CSMD1: variants seen among roughly 807,000 people sequenced by gnomAD.
CSMD1 encodes CUB and Sushi multiple domains 1.
In CSMD1, 213 loss-of-function variants were observed where a neutral mutation model predicts 417.5. The ratio of observed to expected loss-of-function variants is 0.51; its 90% CI spans 0.46 to 0.57. CSMD1 has a LOEUF of 0.57. Ranked by LOEUF, CSMD1 falls within the 20% of genes least tolerant of loss-of-function variation. The pLI, the probability that CSMD1 is intolerant of heterozygous loss-of-function variation, is 0.00. For missense variants in CSMD1, 6,923 were observed against 4,529.7 expected (o/e 1.53, Z -15.17); for synonymous variants, 2,862 against 1,736.8 (o/e 1.65, Z -16.11).
chr8:3,506,100 G>C (rs1386691189), intron 10 of CSMD1, among the ~76,000 whole-genome samples: 1 of 152,184 alleles, frequency 6.6e-6, no homozygotes, highest in Admixed American at 6.5e-5. Context: ...TCATAAGGAG[G>C]TGTCTCATCG....
In CSMD1 at chr8:4,449,551, C is replaced by A. The variant is rs541851446; in HGVS notation, c.303-29486G>T. Among the ~76,000 whole-genome samples the A allele has an allele frequency of 2.0e-5, 3 of 152,222 alleles. No homozygotes were observed. In the East Asian group the frequency reaches 5.8e-4, roughly 29 times the overall value. On this transcript the variant is annotated intron_variant, in intron 2 of 69. Coordinates refer to ENST00000635120, the MANE Select transcript of CSMD1 (RefSeq NM_033225.6). ...GTCTGTGAGTCACAGGAAGTTGGAT[C>A]CCAATGGACTCATCTAATTATTTAG...
At chr8:3,372,310 T>C (rs537542355) in intron 18 of CSMD1, among the ~76,000 whole-genome samples, 2 of 152,218 alleles carry the variant, frequency 1.3e-5, no homozygotes, top group Admixed American at 1.3e-4. Context: ...AAAGGACACC[T>C]CTGTGACTGG....
At chr8:4,698,704 C>A (rs946704567) in intron 1 of CSMD1, among the ~76,000 whole-genome samples, 12 of 150,530 alleles carry the variant, frequency 8.0e-5, no homozygotes, top group East Asian at 2.0e-4. Context: ...TACGGGGGAG[C>A]ATTTTCCTTC....
At chr8:3,520,132 T>G (rs1489161022) in intron 10 of CSMD1, among the ~76,000 whole-genome samples, 1 of 151,716 alleles carries the variant, frequency 6.6e-6, no homozygotes, top group Non-Finnish European at 1.5e-5. Flanking sequence ...AGAGAAATAA[T>G]TTATATGAGA....
At chr8:3,480,278 C>A (rs1817664451) in intron 11 of CSMD1, among the ~76,000 whole-genome samples, 1 of 152,136 alleles carries the variant, frequency 6.6e-6, no homozygotes, top group Non-Finnish European at 1.5e-5. Flanking sequence ...AGAAGAATTG[C>A]TTGAACCCAG....
intron 3 of CSMD1, among the ~76,000 whole-genome samples, chr8:4,361,682 G>C (rs781305116): frequency 6.6e-6 from 1 of 152,006 alleles, no homozygotes; most frequent in East Asian, 1.9e-4. Context: ...CAGGTGCGAC[G>C]GCTTGGCTCA....
intron 12 of CSMD1, among the ~76,000 whole-genome samples, chr8:3,455,932 G>A (rs58137222): frequency 0.11 from 16,251 of 152,190 alleles, 1,560 homozygotes; most frequent in East Asian, 0.35. Flanking sequence ...AGGCAGGCAG[G>A]CCTCCTTGAG....
chr8:4,980,525 C>T (rs1288594113), intron 1 of CSMD1, among the ~76,000 whole-genome samples: 1 of 152,158 alleles, frequency 6.6e-6, no homozygotes, highest in Non-Finnish European at 1.5e-5. Flanking sequence ...CTGAGCTCTG[C>T]CTTTTGGGTG....
chr8:4,757,814 C>G (rs1025046369), intron 1 of CSMD1, among the ~76,000 whole-genome samples: 1 of 151,866 alleles, frequency 6.6e-6, no homozygotes, highest in East Asian at 1.9e-4. Flanking sequence ...GGAAAATTAG[C>G]GAGGCACGGT....
intron 52 of CSMD1, among the ~76,000 whole-genome samples, chr8:3,016,853 G>A (rs78163725): frequency 0.048 from 7,296 of 152,090 alleles, 182 homozygotes; most frequent in East Asian, 0.07. Context: ...ATGTTTGGGG[G>A]CATCTCCAGG....
At chr8:4,489,060 G>A (rs1233595281) in intron 2 of CSMD1, among the ~76,000 whole-genome samples, 2 of 152,126 alleles carry the variant, frequency 1.3e-5, no homozygotes, top group African/African-American at 4.8e-5. Context: ...ACAGGTGCGT[G>A]CCACCACACA....
intron 4 of CSMD1, among the ~76,000 whole-genome samples, chr8:4,030,403 C>G (rs972712595): frequency 6.6e-6 from 1 of 152,200 alleles, no homozygotes; most frequent in African/African-American, 2.4e-5. Context: ...TTCGCAGGCT[C>G]AACACCACAT....
intron 7 of CSMD1, among the ~76,000 whole-genome samples, chr8:3,628,333 G>C (rs1796595782): frequency 6.6e-6 from 1 of 152,142 alleles, no homozygotes; most frequent in Non-Finnish European, 1.5e-5. Context: ...CATCCTGCCT[G>C]CCCACACCGG....
chr8:4,156,096 A>G lies in CSMD1; in HGVS notation c.416-123997T>C, dbSNP rs569091839. Among the ~76,000 whole-genome samples, 8 of 152,264 alleles carry G rather than the reference A, an allele frequency of 5.3e-5. No homozygotes were observed. The East Asian group carries it at 1.5e-3, about 29-fold the overall frequency. The stretch of plus-strand genomic sequence containing the variant: ...GAATAGGGCTGGCTGGAGTTATCAG[A>G]GCATAATAATCATCCGATCCTGACA... On this transcript the variant is annotated intron_variant, in intron 3 of 69. Transcript: ENST00000635120.
chr8:4,726,990 G>C (rs1809501810), intron 1 of CSMD1, among the ~76,000 whole-genome samples: 1 of 152,116 alleles, frequency 6.6e-6, no homozygotes, highest in Non-Finnish European at 1.5e-5. Context: ...GATGGAAAAT[G>C]AGACCCCTAT....
At chr8:4,860,753 C>T (rs1231759904) in intron 1 of CSMD1, among the ~76,000 whole-genome samples, 5 of 152,090 alleles carry the variant, frequency 3.3e-5, no homozygotes, top group African/African-American at 1.2e-4. Context: ...TATGGGCATA[C>T]GTTCCTGGTA....
chr8:4,600,858 G>A (rs1283934444), intron 2 of CSMD1, among the ~76,000 whole-genome samples: 8 of 151,974 alleles, frequency 5.3e-5, no homozygotes, highest in Admixed American at 2.0e-4. Flanking sequence ...ACTTTAAAAG[G>A]TTTGCTTATC....
In CSMD1 at chr8:4,705,344, C is replaced by T. The variant is rs146014757; in HGVS notation, c.86-67786G>A. ...TGTTCTAGAGACTCCATTCTAAGAA[C>T]ATACTTTCTGGAAACCATGATGTAA... On this transcript the variant is annotated intron_variant, in intron 1 of 69. Coordinates refer to ENST00000635120, the MANE Select transcript of CSMD1 (RefSeq NM_033225.6). 1.2e-3 allele frequency among the ~76,000 whole-genome samples: 188 copies of T among 152,194 alleles called. 1 individual carries two copies. The highest frequency in any genetic ancestry group is 4.3e-3 in the African/African-American group (177 of 41,516).
chr8:3,798,402 A>G (rs946277148), intron 5 of CSMD1, among the ~76,000 whole-genome samples: 2 of 152,022 alleles, frequency 1.3e-5, no homozygotes. Context: ...TATATGCCCA[A>G]GTGTGAGTGT....
Sources: gnomAD v4.1 joint callset for allele counts (sites outside exome capture counted in the v4.1 genomes callset) on GRCh38, gnomAD v4.1.1 for gene constraint, MANE v1.5 for transcripts, NCBI Gene and HGNC (gene_info 2026-07-23, HGNC 2026-07-21) for gene names.